Variants in TNPO3 observed in about 807,000 individuals in gnomAD.
The protein encoded by TNPO3 is transportin-3.
TNPO3 carries 65 observed loss-of-function variants against 122.8 expected under a neutral mutation model. The observed-to-expected ratio is 0.53, with a 90% CI of 0.43 to 0.65. The LOEUF (loss-of-function observed/expected upper bound fraction) is 0.65. Among genes scored for constraint, TNPO3 ranks in the 30% least tolerant of loss-of-function variants. The pLI is 0.00. For missense variants in TNPO3, 850 were observed against 1,136.7 expected (o/e 0.75, Z 3.63); for synonymous variants, 372 against 411.2 (o/e 0.90, Z 1.15).
intron 1 of TNPO3, among the ~76,000 whole-genome samples, chr7:129,022,777 T>G (rs1182466209): frequency 2.0e-5 from 3 of 152,136 alleles, no homozygotes; most frequent in Admixed American, 6.6e-5. Context: ...TTATGTCAAG[T>G]CAAACCGATT....
At chr7:129,001,038 C>A in intron 6 of TNPO3, 21 bp downstream of exon 6, 3 of 1,610,918 alleles carry the variant, frequency 1.9e-6, no homozygotes, top group Non-Finnish European at 2.5e-6. Flanking sequence ...CCCAGGGCTC[C>A]AGACTTAAAC....
intron 17 of TNPO3, among the ~76,000 whole-genome samples, chr7:128,975,425 T>C (rs1393256617): frequency 1.3e-5 from 2 of 152,218 alleles, no homozygotes; most frequent in Admixed American, 6.5e-5. Context: ...AGGAGCTGTT[T>C]CCAATGCTAT....
intron 1 of TNPO3, among the ~76,000 whole-genome samples, chr7:129,022,944 C>T (rs183851777): frequency 2.0e-5 from 3 of 152,234 alleles, no homozygotes; most frequent in Admixed American, 2.0e-4. Context: ...TTTATTACAA[C>T]AATTAAGAAT....
At chr7:129,002,727 G>A (rs892054355) in intron 5 of TNPO3, among the ~76,000 whole-genome samples, 1 of 151,808 alleles carries the variant, frequency 6.6e-6, no homozygotes, top group South Asian at 2.1e-4. Flanking sequence ...GACCATCCTG[G>A]CTAACACAGT....
intron 16 of TNPO3, among the ~76,000 whole-genome samples, chr7:128,978,652 G>C (rs1799319936): frequency 6.6e-6 from 1 of 152,056 alleles, no homozygotes; most frequent in Non-Finnish European, 1.5e-5. Flanking sequence ...TGTTCTAAAG[G>C]CTCCTATTTC....
chr7:129,031,209 G>A (rs1306455001), intron 1 of TNPO3, among the ~76,000 whole-genome samples: 1 of 151,888 alleles, frequency 6.6e-6, no homozygotes. Context: ...TGAGGCATGA[G>A]AATTGCTTGA....
chr7:129,000,313 T>C lies in TNPO3; in HGVS notation c.1011+116A>G. ...CCAAAACAGATGAAATCACATTAATTAAAAACAAGACTGTAATTTCTCAAC... is the reference window on the plus strand; with the variant it reads ...CCAAAACAGATGAAATCACATTAATCAAAAACAAGACTGTAATTTCTCAAC... On this transcript the variant is annotated intron_variant, in intron 7 of 22. Coordinates refer to ENST00000265388, the MANE Select transcript of TNPO3 (RefSeq NM_012470.4). 4 of 1,182,326 alleles carry C rather than the reference T, an allele frequency of 3.4e-6. No individual in the cohort carries two copies. In the South Asian group the frequency reaches 8.8e-5, roughly 26 times the overall value. 73.2% of individuals were successfully genotyped at this position (1,182,326 alleles called of 1,614,324 possible).
Position 129,015,124 on chromosome 7 carries a change from T to C in TNPO3, c.407A>G (p.Asp136Gly). The change falls in exon 4 of 23, where the codon GAT (aspartate) becomes GGT (glycine). Residue 136 changes from aspartate (D) to glycine (G), a missense_variant. Asp to Gly is a moderately conservative substitution (Grantham distance 94, BLOSUM62 -1). Transcript: ENST00000265388. Reference protein sequence around the residue: ...VQTLVEKYSNDVTSLPFLLEI... With the variant: ...VQTLVEKYSNGVTSLPFLLEI... Reference sequence around the variant, plus strand: ...CAGCAAAAAAGGCAAAGAAGTCACATCATTGCTGTATCTGCAAAAGAAAAA... The same window carrying C: ...CAGCAAAAAAGGCAAAGAAGTCACACCATTGCTGTATCTGCAAAAGAAAAA... The C allele has an allele frequency of 1.2e-6, 2 of 1,610,090 alleles. No homozygotes were observed. Among genetic ancestry groups the C allele is most frequent in the Non-Finnish European group, 8.5e-7 (1 of 1,179,234 alleles).
intron 4 of TNPO3, among the ~76,000 whole-genome samples, chr7:129,009,450 C>T (rs752704626): frequency 4.6e-5 from 7 of 152,200 alleles, no homozygotes; most frequent in South Asian, 2.1e-4. Flanking sequence ...GGACTAATTT[C>T]ATCCCCTGGG....
At chr7:128,955,807 T>C (rs1031000587) in intron 22 of TNPO3, among the ~76,000 whole-genome samples, 1 of 152,232 alleles carries the variant, frequency 6.6e-6, no homozygotes, top group Non-Finnish European at 1.5e-5. Context: ...AACACCAATT[T>C]AGATGCTATC....
chr7:129,015,722 A>G (rs1046779410), intron 3 of TNPO3, among the ~76,000 whole-genome samples: 1 of 152,046 alleles, frequency 6.6e-6, no homozygotes, highest in Non-Finnish European at 1.5e-5. Context: ...AATCCCAGCT[A>G]CTCGGGAGAC....
In TNPO3 at chr7:128,954,485, C is replaced by G. The variant is rs1375817061; in HGVS notation, c.*932G>C. 1 of 152,194 alleles carries G rather than the reference C, an allele frequency of 6.6e-6. No homozygotes were observed. Among genetic ancestry groups the G allele is most frequent in the African/African-American group, 2.4e-5 (1 of 41,422 alleles). 9.4% of individuals were successfully genotyped at this position (152,194 alleles called of 1,614,324 possible). On this transcript the variant is annotated 3_prime_UTR_variant, in exon 23 of 23. Transcript: ENST00000265388. ...CTCATGTCTGTGGGTGAATAATTCA[C>G]TAAGAAAAAAACCTTAAAAAACAAA...
intron 1 of TNPO3, among the ~76,000 whole-genome samples, chr7:129,021,065 A>C (rs1363145737): frequency 6.6e-6 from 1 of 152,070 alleles, no homozygotes; most frequent in Non-Finnish European, 1.5e-5. Flanking sequence ...TTGAAAATGG[A>C]GGAGGTTTGG....
chr7:129,022,898 A>T (rs1005466253), intron 1 of TNPO3, among the ~76,000 whole-genome samples: 12 of 152,242 alleles, frequency 7.9e-5, no homozygotes, highest in African/African-American at 2.9e-4. Flanking sequence ...AGAACAAGGC[A>T]TCAACATAAG....
intron 18 of TNPO3, among the ~76,000 whole-genome samples, chr7:128,973,320 A>G (rs1187873609): frequency 3.9e-5 from 6 of 152,196 alleles, no homozygotes; most frequent in African/African-American, 1.4e-4. Flanking sequence ...CAGGTTTCTA[A>G]GTTCCTTTAA....
In TNPO3 at chr7:128,955,165, C is replaced by T. The variant is rs935484323; in HGVS notation, c.*252G>A. The stretch of plus-strand genomic sequence containing the variant: ...CAGGAAACCAGCTCCCCTCCCACCA[C>T]GCCGGGCAGGCCACAGCCATCTTTT... On this transcript the variant is annotated 3_prime_UTR_variant, in exon 23 of 23. Coordinates refer to ENST00000265388, the MANE Select transcript of TNPO3 (RefSeq NM_012470.4). 1.6e-5 allele frequency: 5 copies of T among 305,210 alleles called. No homozygotes were observed. Among genetic ancestry groups the T allele is most frequent in the Admixed American group, 4.8e-5 (1 of 20,772 alleles). The allele number at this position is 305,210 out of a possible 1,614,324, so 18.9% of individuals were successfully genotyped here.
At chr7:129,018,971 G>C (rs1359313742) in intron 1 of TNPO3, among the ~76,000 whole-genome samples, 1 of 152,072 alleles carries the variant, frequency 6.6e-6, no homozygotes, top group South Asian at 2.1e-4. Flanking sequence ...CCCCTGCCTC[G>C]GCCTCCCAAA....
chr7:129,049,357 G>T (rs1204765936), intron 1 of TNPO3, among the ~76,000 whole-genome samples: 2 of 152,192 alleles, frequency 1.3e-5, no homozygotes, highest in Non-Finnish European at 2.9e-5. Context: ...ACCTAGATCT[G>T]ACAAGAGGAG....
intron 16 of TNPO3, 61 bp downstream of exon 16, chr7:128,978,922 G>A (rs1323640155): frequency 1.4e-5 from 22 of 1,588,960 alleles, no homozygotes; most frequent in South Asian, 1.2e-4. Context: ...GTGAGCCACC[G>A]CACCCTGCCT....
Sources: allele counts gnomAD v4.1 joint callset (sites outside exome capture counted in the v4.1 genomes callset), GRCh38; gene constraint gnomAD v4.1.1; transcripts MANE v1.5; gene names NCBI Gene and HGNC (gene_info 2026-07-23, HGNC 2026-07-21).